ROBO2: variants seen among roughly 807,000 people sequenced by gnomAD.
ROBO2 encodes the protein roundabout guidance receptor 2.
A neutral mutation model predicts 160.8 loss-of-function variants in ROBO2; 53 were observed. The observed-to-expected ratio is 0.33, with a 90% CI of 0.26 to 0.41. ROBO2 has a LOEUF of 0.41. Among genes scored for constraint, ROBO2 ranks in the 10% least tolerant of loss-of-function variants. The pLI is 1.00. For synonymous variants in ROBO2, 664 were observed against 611.7 expected (o/e 1.09, Z -1.26); for missense variants, 1,577 against 1,722.4 (o/e 0.92, Z 1.49).
intron 19 of ROBO2, among the ~76,000 whole-genome samples, chr3:77,599,037 T>G (rs938122202): frequency 1.3e-5 from 2 of 152,150 alleles, no homozygotes; most frequent in African/African-American, 4.8e-5. Flanking sequence ...CCTGGAGATT[T>G]GCAAGGTTTT....
chr3:76,912,001 A>AT (rs1352020888), intron 2 of ROBO2, among the ~76,000 whole-genome samples: 1 of 152,106 alleles, frequency 6.6e-6, no homozygotes, highest in Non-Finnish European at 1.5e-5. Flanking sequence ...CCCCAGTAGG[A>AT]TTTTTTAAGT....
chr3:76,068,304 A>G (rs73842953), intron 2 of ROBO2, among the ~76,000 whole-genome samples: 3,129 of 152,268 alleles, frequency 0.021, 45 homozygotes, highest in East Asian at 0.081. Flanking sequence ...GCCAAATTAC[A>G]TAGTTCCTTG....
At chr3:76,419,081 A>G (rs768384702) in intron 2 of ROBO2, among the ~76,000 whole-genome samples, 1 of 152,118 alleles carries the variant, frequency 6.6e-6, no homozygotes, top group Admixed American at 6.6e-5. Context: ...AACCCCATGT[A>G]TTTTGTTTTT....
At chr3:77,037,761 GATAA>G (rs201546361), upstream of ROBO2, among the ~76,000 whole-genome samples, 34 of 152,252 alleles carry the variant, frequency 2.2e-4, no homozygotes, top group East Asian at 2.7e-3. Context: ...TATTTTGCCT[GATAA>G]ATAAATAGTC....
chr3:77,025,712 A>T (rs1229489543), intron 2 of ROBO2, among the ~76,000 whole-genome samples: 1 of 152,192 alleles, frequency 6.6e-6, no homozygotes, highest in Non-Finnish European at 1.5e-5. Context: ...GCTAATGGAA[A>T]GTCTTGCTGC....
At chr3:77,138,890 A>C (rs4077419) in intron 2 of ROBO2, among the ~76,000 whole-genome samples, 51,536 of 151,938 alleles carry the variant, frequency 0.34, 9,792 homozygotes, top group Middle Eastern at 0.46. Context: ...TGAGATTGGA[A>C]GTGTCTAGCT....
intron 2 of ROBO2, among the ~76,000 whole-genome samples, chr3:76,837,113 T>C (rs573262246): frequency 2.0e-4 from 31 of 152,058 alleles, no homozygotes; most frequent in African/African-American, 7.5e-4. Context: ...GGGTAGTGCA[T>C]TTTTATTACA....
chr3:77,515,491 A>G (rs567819042), intron 5 of ROBO2, among the ~76,000 whole-genome samples: 18 of 151,796 alleles, frequency 1.2e-4, no homozygotes, highest in Admixed American at 1.3e-4. Context: ...ACACACAACT[A>G]CAAATTTATA....
chr3:77,229,952 C>T (rs2086961648), intron 2 of ROBO2, among the ~76,000 whole-genome samples: 1 of 152,140 alleles, frequency 6.6e-6, no homozygotes, highest in Non-Finnish European at 1.5e-5. Context: ...TTGTCTTAGG[C>T]TTGATGGTGA....
intron 1 of ROBO2, among the ~76,000 whole-genome samples, chr3:77,048,621 G>A (rs1578515328): frequency 1.3e-5 from 2 of 152,126 alleles, no homozygotes; most frequent in East Asian, 1.9e-4. Context: ...TTTGAGAACC[G>A]AAGACCTAAG....
chr3:77,267,360 G>A (rs1024994954), intron 2 of ROBO2, among the ~76,000 whole-genome samples: 2 of 152,104 alleles, frequency 1.3e-5, no homozygotes, highest in African/African-American at 2.4e-5. Flanking sequence ...CCAGTTCTTG[G>A]ACATCACAGG....
intron 2 of ROBO2, among the ~76,000 whole-genome samples, chr3:76,443,329 A>G (rs2077015460): frequency 6.6e-6 from 1 of 152,034 alleles, no homozygotes; most frequent in Non-Finnish European, 1.5e-5. Flanking sequence ...AAAATCCAAA[A>G]TGTATCAGTA....
intron 5 of ROBO2, among the ~76,000 whole-genome samples, chr3:77,520,807 T>G (rs1482968948): frequency 6.6e-6 from 1 of 151,396 alleles, no homozygotes; most frequent in Non-Finnish European, 1.5e-5. Flanking sequence ...AAGATTATTT[T>G]TATTAGACAT....
At chr3:76,803,576 A>G (rs552031978) in intron 2 of ROBO2, among the ~76,000 whole-genome samples, 1 of 152,136 alleles carries the variant, frequency 6.6e-6, no homozygotes, top group African/African-American at 2.4e-5. Flanking sequence ...AAAAAAACAC[A>G]CAGACGTACA....
chr3:76,679,232 A>T (rs2092492495), intron 2 of ROBO2, among the ~76,000 whole-genome samples: 2 of 152,136 alleles, frequency 1.3e-5, no homozygotes, highest in Non-Finnish European at 2.9e-5. Context: ...GTTTCTAGGA[A>T]CTGTTTTGGT....
chr3:77,544,961 A>G, intron 6 of ROBO2, among the ~76,000 whole-genome samples: 1 of 151,966 alleles, frequency 6.6e-6, no homozygotes, highest in East Asian at 1.9e-4. Flanking sequence ...AGATCATTAG[A>G]CCACCATTTA....
At chr3:76,446,991 CA>C (rs1361236386) in intron 2 of ROBO2, among the ~76,000 whole-genome samples, 1 of 152,192 alleles carries the variant, frequency 6.6e-6, no homozygotes, top group Admixed American at 6.5e-5. Flanking sequence ...ACAAGGACTT[CA>C]TGTCTAAAAC....
At chr3:76,566,145 TA>T (rs2084505660) in intron 2 of ROBO2, among the ~76,000 whole-genome samples, 1 of 152,142 alleles carries the variant, frequency 6.6e-6, no homozygotes, top group African/African-American at 2.4e-5. Flanking sequence ...TTCAGAACAG[TA>T]GATACTGTGG....
intron 4 of ROBO2, among the ~76,000 whole-genome samples, chr3:77,492,213 G>A (rs1032739663): frequency 6.6e-6 from 1 of 152,108 alleles, no homozygotes; most frequent in African/African-American, 2.4e-5. Flanking sequence ...ACCTCAGTAA[G>A]TAGCAATATT....
Sources: allele counts gnomAD v4.1 joint callset (sites outside exome capture counted in the v4.1 genomes callset), GRCh38; gene constraint gnomAD v4.1.1; transcripts MANE v1.5; gene names NCBI Gene and HGNC (gene_info 2026-07-23, HGNC 2026-07-21).